Variants in PCDHGA11 observed in about 807,000 individuals in gnomAD.
PCDHGA11 encodes the protein protocadherin gamma subfamily A, 11, also known as protocadherin gamma-A11.
A neutral mutation model predicts 60.4 loss-of-function variants in PCDHGA11; 39 were observed. The observed-to-expected ratio is 0.65, with a 90% CI of 0.50 to 0.84. The LOEUF is 0.84. Among genes scored for constraint, PCDHGA11 ranks in the 40% least tolerant of loss-of-function variants. The pLI, the probability that PCDHGA11 is intolerant of heterozygous loss-of-function variation, is 0.00. For missense variants in PCDHGA11, 1,165 were observed against 1,197.7 expected (o/e 0.97, Z 0.40); for synonymous variants, 533 against 510.3 (o/e 1.04, Z -0.60).
chr5:141,452,652 C>T (rs1420422511), intron 1 of PCDHGA11, among the ~76,000 whole-genome samples: 1 of 151,916 alleles, frequency 6.6e-6, no homozygotes. Flanking sequence ...TCATTTGCTC[C>T]ATCCACTGCA....
At chr5:141,438,232 GT>G (rs531572606) in intron 1 of PCDHGA11, among the ~76,000 whole-genome samples, 207 of 152,154 alleles carry the variant, frequency 1.4e-3, no homozygotes, top group Middle Eastern at 0.01. Flanking sequence ...TCAGGAAAAT[GT>G]TTTTAAAAAA....
At chr5:141,450,679 G>A (rs2098690217) in intron 1 of PCDHGA11, among the ~76,000 whole-genome samples, 2 of 151,914 alleles carry the variant, frequency 1.3e-5, no homozygotes, top group Non-Finnish European at 2.9e-5. Context: ...TAGAAACGGG[G>A]TTTTGCCATG....
intron 1 of PCDHGA11, among the ~76,000 whole-genome samples, chr5:141,454,476 A>G (rs918910449): frequency 6.6e-6 from 1 of 151,806 alleles, no homozygotes; most frequent in Non-Finnish European, 1.5e-5. Flanking sequence ...GCATGATCTC[A>G]GCTCACCGCA....
chr5:141,495,386 G>C (rs2099760934), intron 2 of PCDHGA11, among the ~76,000 whole-genome samples: 1 of 152,214 alleles, frequency 6.6e-6, no homozygotes, highest in Non-Finnish European at 1.5e-5. Context: ...GGACTGGGCG[G>C]GGCATGGAGC....
Position 141,432,731 on chromosome 5 carries a change from G to C in PCDHGA11, c.2433+9071G>C, listed in dbSNP as rs1244820860. On this transcript the variant is annotated intron_variant, in intron 1 of 3. Coordinates refer to ENST00000398587, the MANE Select transcript of PCDHGA11 (RefSeq NM_018914.3). This position sits in a 1 kb window ranked among gnomAD's most constrained non-coding sequence, Gnocchi z 6.0. ...CGGCCAGCCCCCTCTCTCCGCCACT[G>C]TCACGCTCACCGTGGCCGTGGCCGA... The C allele has an allele frequency of 6.2e-7, 1 of 1,614,068 alleles. No homozygotes were observed.
At chr5:141,484,877 G>T in intron 1 of PCDHGA11, 1 of 338,660 alleles carries the variant, frequency 3.0e-6, no homozygotes, top group Non-Finnish European at 5.4e-6. Context: ...GTGGAGGATA[G>T]GGTGGGCTTT....
At chr5:141,457,280 A>G (rs964027392) in intron 1 of PCDHGA11, among the ~76,000 whole-genome samples, 2 of 152,196 alleles carry the variant, frequency 1.3e-5, no homozygotes, top group Admixed American at 1.3e-4. Context: ...TGGGCCTACG[A>G]AGTTCCTTGG....
chr5:141,493,979 C>T lies in PCDHGA11; in HGVS notation c.2434-828C>T, dbSNP rs1273325447. ...GAAGTGGCTGGCCAGAGCCCCACAC[C>T]TTCAGCTAGGTGGGAGATGGCTACA... is the stretch of plus-strand genomic sequence containing the variant. On this transcript the variant is annotated intron_variant, in intron 1 of 3. Coordinates refer to ENST00000398587, the MANE Select transcript of PCDHGA11 (RefSeq NM_018914.3). The surrounding 1 kb of genome is among the most constrained non-coding windows in gnomAD (Gnocchi z 4.3). Among the ~76,000 whole-genome samples, 1 of 152,182 alleles carries T rather than the reference C, an allele frequency of 6.6e-6. No individual in the cohort carries two copies. Among genetic ancestry groups the T allele is most frequent in the Non-Finnish European group, 1.5e-5 (1 of 68,032 alleles).
At chr5:141,462,990 A>G (rs181384059) in intron 1 of PCDHGA11, among the ~76,000 whole-genome samples, 1 of 152,126 alleles carries the variant, frequency 6.6e-6, no homozygotes, top group Non-Finnish European at 1.5e-5. Flanking sequence ...GCCTTGGGCT[A>G]ATTTAGACCT....
chr5:141,494,688 A>T (rs2099756168), intron 1 of PCDHGA11, 119 bp from the exon 2 acceptor site: 1 of 1,576,254 alleles, frequency 6.3e-7, no homozygotes, highest in Non-Finnish European at 8.6e-7. Context: ...GCCCCCTCTT[A>T]GTCCGTTTTC....
intron 3 of PCDHGA11, among the ~76,000 whole-genome samples, chr5:141,506,038 G>C (rs2099850248): frequency 6.6e-6 from 1 of 152,174 alleles, no homozygotes; most frequent in South Asian, 2.1e-4. Context: ...GTAGGATTCT[G>C]GTTTTCCCAT....
At position 141,431,389 on chromosome 5, in the gene PCDHGA11, G is replaced by A; in HGVS notation, c.2433+7729G>A. 2 of 1,613,876 alleles carry A rather than the reference G, an allele frequency of 1.2e-6. No individual in the cohort carries two copies. The highest frequency in any genetic ancestry group is 1.7e-6 in the Non-Finnish European group (2 of 1,180,040). ...GCGAAGAAAAGGCTGCTCACCACCT[G>A]GTCCTTACGGCCTCCGACGGGGGCG... On this transcript the variant is annotated intron_variant, in intron 1 of 3. Coordinates refer to ENST00000398587, the MANE Select transcript of PCDHGA11 (RefSeq NM_018914.3). This position sits in a 1 kb window ranked among gnomAD's most constrained non-coding sequence, Gnocchi z 4.8.
intron 1 of PCDHGA11, among the ~76,000 whole-genome samples, chr5:141,459,968 C>T (rs1260233942): frequency 1.3e-5 from 2 of 152,190 alleles, no homozygotes; most frequent in East Asian, 3.8e-4. Context: ...ATCCCAGCTA[C>T]TCAGGAGGCT....
chr5:141,461,409 A>ATATGTTTGT (rs1491521215), intron 1 of PCDHGA11, among the ~76,000 whole-genome samples: 2 of 151,810 alleles, frequency 1.3e-5, no homozygotes, highest in Non-Finnish European at 2.9e-5. Context: ...GCATTTTTTC[A>ATATGTTTGT]TATGTTTGTG....
At chr5:141,481,229 A>T (rs989963485) in intron 1 of PCDHGA11, among the ~76,000 whole-genome samples, 1 of 152,212 alleles carries the variant, frequency 6.6e-6, no homozygotes, top group Non-Finnish European at 1.5e-5. Flanking sequence ...TCCCAGCCTT[A>T]AAGTATTACA....
rs2098098668 is a variant in PCDHGA11, at chr5:141,439,210, T to C, written c.2433+15550T>C. Among the ~76,000 whole-genome samples the C allele has an allele frequency of 4.0e-5, 6 of 150,296 alleles. No homozygotes were observed. The Middle Eastern group carries it at 0.014, about 343-fold the overall frequency. On this transcript the variant is annotated intron_variant, in intron 1 of 3. Transcript: ENST00000398587. The stretch of plus-strand genomic sequence containing the variant: ...TCTGACAAAAAAAAAAAAAAATCCA[T>C]ATGTGAAAATTCTTAGAAGCTTCCT...
At chr5:141,447,130 T>A (rs2098527397) in intron 1 of PCDHGA11, among the ~76,000 whole-genome samples, 1 of 152,146 alleles carries the variant, frequency 6.6e-6, no homozygotes, top group Admixed American at 6.6e-5. Context: ...TTTTTTTGTT[T>A]GTTTGTTTTT....
chr5:141,428,731 A>G (rs1290064919), intron 1 of PCDHGA11: 1 of 159,494 alleles, frequency 6.3e-6, no homozygotes, highest in Non-Finnish European at 1.4e-5. Context: ...TCTTAAACAT[A>G]TTATATCTAC....
chr5:141,457,949 C>G (rs2098933653), intron 1 of PCDHGA11, among the ~76,000 whole-genome samples: 1 of 152,192 alleles, frequency 6.6e-6, no homozygotes. Flanking sequence ...CTCTGCATGT[C>G]AAGCTTGATT....
Sources: gnomAD v4.1 joint callset for allele counts (sites outside exome capture counted in the v4.1 genomes callset) on GRCh38, gnomAD v4.1.1 for gene constraint, Gnocchi (gnomAD v3.1) non-coding constraint, MANE v1.5 for transcripts, NCBI Gene and HGNC (gene_info 2026-07-23, HGNC 2026-07-21) for gene names.